The following AGBL1 variants were observed in gnomAD, a reference collection of about 807,000 sequenced individuals.
The protein encoded by AGBL1 is cytosolic carboxypeptidase 4.
In AGBL1, 130 loss-of-function variants were observed where a neutral mutation model predicts 118.9. The ratio of observed to expected loss-of-function variants is 1.09; its 90% CI spans 0.95 to 1.26. The LOEUF (loss-of-function observed/expected upper bound fraction) is 1.26. Among genes scored for constraint, AGBL1 ranks in the 50% most tolerant of loss-of-function variants. The pLI, the probability that AGBL1 is intolerant of heterozygous loss-of-function variation, is 0.00. For missense variants in AGBL1, 1,584 were observed against 1,298.1 expected (o/e 1.22, Z -3.38); for synonymous variants, 555 against 478.9 (o/e 1.16, Z -2.08).
At chr15:86,178,629 G>T (rs1480570711) in intron 5 of AGBL1, among the ~76,000 whole-genome samples, 2 of 152,144 alleles carry the variant, frequency 1.3e-5, no homozygotes, top group East Asian at 3.9e-4. Context: ...GTTTAGATAA[G>T]TTCCCTGGCG....
At chr15:86,555,927 T>C (rs562531754) in intron 21 of AGBL1, among the ~76,000 whole-genome samples, 1 of 152,286 alleles carries the variant, frequency 6.6e-6, no homozygotes, top group East Asian at 1.9e-4. Flanking sequence ...GCTTTAAATA[T>C]TGTGACTTTA....
intron 22 of AGBL1, among the ~76,000 whole-genome samples, chr15:86,901,833 G>A (rs758547236): frequency 2.0e-5 from 3 of 151,688 alleles, no homozygotes; most frequent in Non-Finnish European, 4.4e-5. Context: ...TTATGACTAA[G>A]CATTTTATAT....
chr15:86,846,784 G>A (rs1289497916), intron 22 of AGBL1, among the ~76,000 whole-genome samples: 4 of 152,096 alleles, frequency 2.6e-5, no homozygotes, highest in Admixed American at 6.5e-5. Context: ...CACCCGCCTC[G>A]GCCTCCCAAA....
At chr15:86,360,319 C>CTTT (rs570573457) in intron 17 of AGBL1, among the ~76,000 whole-genome samples, 53 of 136,024 alleles carry the variant, frequency 3.9e-4, no homozygotes, top group South Asian at 2.3e-3. Context: ...GGGTTTTTTC[C>CTTT]TTTTTTTTTT....
intron 18 of AGBL1, among the ~76,000 whole-genome samples, chr15:86,438,562 T>C (rs2082025174): frequency 2.6e-5 from 4 of 152,194 alleles, no homozygotes; most frequent in Admixed American, 2.6e-4. Flanking sequence ...CAATAGTTTT[T>C]AGTACAAGTA....
chr15:86,333,559 A>C (rs1595981314), intron 17 of AGBL1, among the ~76,000 whole-genome samples: 1 of 152,336 alleles, frequency 6.6e-6, no homozygotes, highest in East Asian at 1.9e-4. Context: ...TCAACCAAAA[A>C]AATCCCTGAA....
intron 17 of AGBL1, among the ~76,000 whole-genome samples, chr15:86,333,511 T>A (rs1019186270): frequency 1.3e-5 from 2 of 152,088 alleles, no homozygotes; most frequent in Admixed American, 6.6e-5. Flanking sequence ...AAAAGACTAA[T>A]AACAAGTTCC....
intron 22 of AGBL1, among the ~76,000 whole-genome samples, chr15:86,778,015 G>T (rs1055056701): frequency 5.3e-5 from 8 of 152,118 alleles, no homozygotes; most frequent in Non-Finnish European, 1.0e-4. Flanking sequence ...CTAAGGGTCA[G>T]CCGGTCTGAG....
intron 17 of AGBL1, among the ~76,000 whole-genome samples, chr15:86,312,680 G>A (rs2079938384): frequency 2.0e-5 from 3 of 152,256 alleles, no homozygotes; most frequent in South Asian, 4.1e-4. Flanking sequence ...GGCAGCTGTG[G>A]ATTTTGACAT....
intron 24 of AGBL1, among the ~76,000 whole-genome samples, chr15:87,017,671 T>G (rs2081621219): frequency 6.6e-6 from 1 of 152,036 alleles, no homozygotes; most frequent in African/African-American, 2.4e-5. Context: ...GGAAGGTAGT[T>G]AACCCCACAA....
intron 5 of AGBL1, among the ~76,000 whole-genome samples, chr15:86,185,399 T>C (rs1046837201): frequency 2.5e-4 from 38 of 152,288 alleles, no homozygotes; most frequent in Admixed American, 9.1e-4. Flanking sequence ...AGCCATCCCA[T>C]TACTGGATAT....
intron 17 of AGBL1, among the ~76,000 whole-genome samples, chr15:86,362,905 A>G (rs879412693): frequency 6.6e-6 from 1 of 152,194 alleles, no homozygotes; most frequent in Non-Finnish European, 1.5e-5. Context: ...GGAGCTAGAA[A>G]TGAGTCACAG....
chr15:86,522,689 G>T, intron 18 of AGBL1, 121 bp from the exon 19 acceptor site: 1 of 1,264,446 alleles, frequency 7.9e-7, no homozygotes, highest in Non-Finnish European at 1.1e-6. Context: ...GATGCCAATT[G>T]GGAAGAAATC....
chr15:86,685,018 A>G (rs2086029056), intron 22 of AGBL1, among the ~76,000 whole-genome samples: 2 of 152,232 alleles, frequency 1.3e-5, no homozygotes, highest in Admixed American at 6.5e-5. Flanking sequence ...AAGGAGTTGT[A>G]AACAAGCAAT....
chr15:86,698,954 A>C (rs78737410), intron 22 of AGBL1, among the ~76,000 whole-genome samples: 18,449 of 152,036 alleles, frequency 0.12, 1,311 homozygotes, highest in African/African-American at 0.19. Context: ...TCTTAGTAAG[A>C]TGAGACCAAA....
At chr15:86,155,655 G>A (rs2077178825) in intron 4 of AGBL1, among the ~76,000 whole-genome samples, 1 of 152,084 alleles carries the variant, frequency 6.6e-6, no homozygotes, top group Non-Finnish European at 1.5e-5. Context: ...TGAAATGAAA[G>A]TGACAATTAT....
intron 5 of AGBL1, among the ~76,000 whole-genome samples, chr15:86,168,708 A>G (rs77881849): frequency 0.016 from 2,490 of 152,304 alleles, 28 homozygotes; most frequent in East Asian, 0.07. Context: ...TAAGTCTCAA[A>G]GTTCAGAGTG....
chr15:86,244,862 T>C (rs1404141820), intron 6 of AGBL1, among the ~76,000 whole-genome samples: 2 of 152,198 alleles, frequency 1.3e-5, no homozygotes, highest in African/African-American at 4.8e-5. Context: ...AATTTTCTTT[T>C]AAACATCAGA....
intron 6 of AGBL1, among the ~76,000 whole-genome samples, chr15:86,240,990 A>G (rs913209841): frequency 3.9e-5 from 6 of 152,224 alleles, no homozygotes; most frequent in African/African-American, 9.6e-5. Flanking sequence ...ATGAGACTCA[A>G]TACGTGTACA....
Sources: gnomAD v4.1 joint callset for allele counts (sites outside exome capture counted in the v4.1 genomes callset) on GRCh38, gnomAD v4.1.1 for gene constraint, MANE v1.5 for transcripts, NCBI Gene and HGNC (gene_info 2026-07-23, HGNC 2026-07-21) for gene names.